Variants in SHISA6 observed in about 807,000 individuals in gnomAD.
The protein encoded by SHISA6 is protein shisa-6.
In SHISA6, 22 loss-of-function variants were observed where a neutral mutation model predicts 47.9. That is an observed-to-expected ratio of 0.46 (90% confidence interval 0.33 to 0.66). The LOEUF is 0.66. Among genes scored for constraint, SHISA6 ranks in the 30% least tolerant of loss-of-function variants. SHISA6 has a pLI of 0.02. For synonymous variants in SHISA6, 388 were observed against 337.8 expected (o/e 1.15, Z -1.63); for missense variants, 680 against 764.6 (o/e 0.89, Z 1.30).
chr17:11,555,897 G>C lies in SHISA6; in HGVS notation c.1105+5G>C. On this transcript the variant is annotated splice_donor_5th_base_variant and intron_variant, in intron 5 of 5. Coordinates refer to ENST00000441885, the MANE Select transcript of SHISA6 (RefSeq NM_207386.4). ...ATTCATCTCTGAAGAGGCTAAGTAA[G>C]TTGAATTTCCCCCAAGTTGGGGTCT... 1 of 1,516,422 alleles carries C rather than the reference G, an allele frequency of 6.6e-7. No individual in the cohort carries two copies. The highest frequency in any genetic ancestry group is 1.3e-5 in the South Asian group (1 of 79,162). The allele number at this position is 1,516,422 out of a possible 1,614,324, so 93.9% of individuals were successfully genotyped here.
At chr17:11,419,120 C>A (rs537992561) in intron 3 of SHISA6, among the ~76,000 whole-genome samples, 1 of 151,580 alleles carries the variant, frequency 6.6e-6, no homozygotes, top group Admixed American at 6.6e-5. Flanking sequence ...TGCAAAATGA[C>A]GAGAGTTAAT....
intron 2 of SHISA6, among the ~76,000 whole-genome samples, chr17:11,292,364 G>C (rs1385314454): frequency 1.3e-5 from 2 of 151,912 alleles, no homozygotes; most frequent in Non-Finnish European, 2.9e-5. Context: ...TCAAATTATG[G>C]CTTGATAGGT....
At chr17:11,409,293 C>A (rs1914046667) in intron 3 of SHISA6, among the ~76,000 whole-genome samples, 1 of 152,160 alleles carries the variant, frequency 6.6e-6, no homozygotes, top group Non-Finnish European at 1.5e-5. Flanking sequence ...ATCTTTTCCC[C>A]ACTTTCCCCC....
intron 2 of SHISA6, among the ~76,000 whole-genome samples, chr17:11,269,380 T>C (rs964022838): frequency 4.6e-5 from 7 of 152,120 alleles, no homozygotes; most frequent in Admixed American, 6.5e-5. Flanking sequence ...CCTCTCCTCC[T>C]ATCTGGGGCT....
chr17:11,395,407 G>C (rs1419944759), intron 3 of SHISA6, among the ~76,000 whole-genome samples: 1 of 150,818 alleles, frequency 6.6e-6, no homozygotes, highest in Non-Finnish European at 1.5e-5. Context: ...CGATTTCCTT[G>C]TGTTAATTTT....
At chr17:11,420,889 A>T (rs1232470643) in intron 3 of SHISA6, among the ~76,000 whole-genome samples, 1 of 152,202 alleles carries the variant, frequency 6.6e-6, no homozygotes, top group Non-Finnish European at 1.5e-5. Context: ...CAGCTTCCAT[A>T]GCAGGAGGTA....
intron 1 of SHISA6, among the ~76,000 whole-genome samples, chr17:11,243,773 C>T (rs1907467536): frequency 6.6e-6 from 1 of 152,212 alleles, no homozygotes; most frequent in Admixed American, 6.5e-5. Context: ...TTCCCCTTCC[C>T]CTGTGGCCTT....
chr17:11,477,137 C>A (rs1262663714), intron 3 of SHISA6, among the ~76,000 whole-genome samples: 2 of 152,190 alleles, frequency 1.3e-5, no homozygotes, highest in African/African-American at 4.8e-5. Flanking sequence ...CCTCTACTTG[C>A]AATCTATATG....
chr17:11,307,126 TTTTG>T (rs1279739878), intron 2 of SHISA6, among the ~76,000 whole-genome samples: 10 of 141,944 alleles, frequency 7.0e-5, no homozygotes, highest in South Asian at 2.4e-4. Context: ...ATTTATTTAT[TTTTG>T]TTTGTTTGTT....
chr17:11,268,350 G>A lies in SHISA6; in HGVS notation c.799+4824G>A, dbSNP rs143672846. Among the ~76,000 whole-genome samples the A allele has an allele frequency of 8.0e-3, 1,224 of 152,250 alleles. 16 individuals are homozygous for A. The highest frequency in any genetic ancestry group is 0.028 in the African/African-American group (1,144 of 41,548). On this transcript the variant is annotated intron_variant, in intron 2 of 5. Coordinates refer to ENST00000441885, the MANE Select transcript of SHISA6 (RefSeq NM_207386.4). ...GGTGGCAGAGGAGCACTCTGCCACA[G>A]TCCTGCATGCCCTGGTTCCCATCCC...
chr17:11,526,919 ATATATAT>A lies in SHISA6; in HGVS notation c.896-24976_896-24970del, dbSNP rs2071690400. Among the ~76,000 whole-genome samples the A allele has an allele frequency of 1.7e-4, 4 of 23,730 alleles. No individual in the cohort carries two copies. In the South Asian group the frequency reaches 5.2e-3, roughly 31 times the overall value. The allele number at this position is 23,730 out of a possible 152,430, so 15.6% of individuals were successfully genotyped here. ...TATATATATATATATATATATATAT[ATATATAT>A]ATATATATATTATAATGATCAAATC... On this transcript the variant is annotated intron_variant, in intron 3 of 5. Transcript: ENST00000441885.
At chr17:11,269,565 T>G (rs1908564482) in intron 2 of SHISA6, among the ~76,000 whole-genome samples, 1 of 152,180 alleles carries the variant, frequency 6.6e-6, no homozygotes, top group Non-Finnish European at 1.5e-5. Flanking sequence ...GGGACAGGTT[T>G]AGGGCTGCCC....
At chr17:11,320,111 T>G (rs1413582275) in intron 2 of SHISA6, among the ~76,000 whole-genome samples, 2 of 152,234 alleles carry the variant, frequency 1.3e-5, no homozygotes, top group Admixed American at 6.5e-5. Flanking sequence ...ATGAGGAAAT[T>G]AATGTAGGCT....
chr17:11,393,012 C>G (rs753929744), intron 3 of SHISA6, among the ~76,000 whole-genome samples: 1 of 152,232 alleles, frequency 6.6e-6, no homozygotes, highest in Non-Finnish European at 1.5e-5. Flanking sequence ...GGGGAAGCCT[C>G]GCTCTTGAGC....
At chr17:11,364,176 C>A (rs1429243498) in intron 2 of SHISA6, among the ~76,000 whole-genome samples, 1 of 152,122 alleles carries the variant, frequency 6.6e-6, no homozygotes. Flanking sequence ...ATGGATTTTT[C>A]CTATCTATTC....
chr17:11,352,632 G>C (rs1911926323), intron 2 of SHISA6, among the ~76,000 whole-genome samples: 1 of 152,168 alleles, frequency 6.6e-6, no homozygotes, highest in African/African-American at 2.4e-5. Flanking sequence ...GGAACCAAGA[G>C]ACCAGAGCAC....
At chr17:11,420,292 CATCAATCCCTGTG>C (rs1914416594) in intron 3 of SHISA6, among the ~76,000 whole-genome samples, 1 of 152,120 alleles carries the variant, frequency 6.6e-6, no homozygotes, top group Non-Finnish European at 1.5e-5. Context: ...TTAAAGAGGC[CATCAATCCCTGTG>C]ATCTTCGTTT....
intron 2 of SHISA6, among the ~76,000 whole-genome samples, chr17:11,331,296 C>T (rs1911101555): frequency 6.6e-6 from 1 of 152,062 alleles, no homozygotes; most frequent in East Asian, 1.9e-4. Flanking sequence ...AAGTACAGGC[C>T]AAAAGAGACA....
intron 1 of SHISA6, among the ~76,000 whole-genome samples, chr17:11,252,291 A>G (rs1432495369): frequency 5.9e-5 from 9 of 152,172 alleles, no homozygotes; most frequent in Admixed American, 1.3e-4. Flanking sequence ...CTTTTTTGGC[A>G]TTTGGTCTCG....
Sources: allele counts gnomAD v4.1 joint callset (sites outside exome capture counted in the v4.1 genomes callset), GRCh38; gene constraint gnomAD v4.1.1; transcripts MANE v1.5; gene names NCBI Gene and HGNC (gene_info 2026-07-23, HGNC 2026-07-21).